The following PRPF6 variants were observed in gnomAD, a reference collection of about 807,000 sequenced individuals.
PRPF6 encodes pre-mRNA-processing factor 6.
Under a neutral mutation model 118.3 loss-of-function variants are expected in PRPF6, and 42 were observed. That is an observed-to-expected ratio of 0.35 (90% CI 0.28 to 0.46). The LOEUF (loss-of-function observed/expected upper bound fraction) is 0.46, where lower values mean the gene tolerates loss of function less well. Among genes scored for constraint, PRPF6 ranks in the 20% least tolerant of loss-of-function variants. The pLI is 1.00. For synonymous variants in PRPF6, 481 were observed against 485.1 expected (o/e 0.99, Z 0.11); for missense variants, 662 against 1,255.7 (o/e 0.53, Z 7.15).
chr20:64,024,999 C>G (rs947306874), intron 14 of PRPF6, among the ~76,000 whole-genome samples: 4 of 152,140 alleles, frequency 2.6e-5, no homozygotes, highest in African/African-American at 9.7e-5. Context: ...TGTATTCAGA[C>G]CGCCTCACTG....
intron 11 of PRPF6, among the ~76,000 whole-genome samples, chr20:64,015,511 A>G (rs2059232935): frequency 6.6e-6 from 1 of 152,142 alleles, no homozygotes; most frequent in Non-Finnish European, 1.5e-5. Flanking sequence ...GTGGTCCCCC[A>G]TGTTGGCATG....
intron 3 of PRPF6, among the ~76,000 whole-genome samples, chr20:63,985,525 GCTTAAGAACT>G (rs1255484831): frequency 4.6e-5 from 7 of 152,182 alleles, no homozygotes; most frequent in African/African-American, 1.7e-4. Context: ...GCAGTGGAGA[GCTTAAGAACT>G]CTTAAGTTTT....
intron 4 of PRPF6, 84 bp from the exon 5 acceptor site, chr20:63,994,832 T>A (rs761856570): frequency 6.4e-7 from 1 of 1,559,862 alleles, no homozygotes; most frequent in Non-Finnish European, 8.8e-7. Context: ...ATCTGGAGGC[T>A]AGGGGTGAGA....
At position 63,981,180 on chromosome 20, in the gene PRPF6, C is replaced by G. The variant is rs978890256; in HGVS notation, c.-66C>G. ...TGCATCGGACGTCGAAGCCTAGAGT[C>G]TCTGCGTCTTTCCCTCTTCCGCTGC... On this transcript the variant is annotated 5_prime_UTR_variant, in exon 1 of 21. Transcript: ENST00000266079. The G allele has an allele frequency of 5.3e-6, 8 of 1,505,896 alleles. No individual in the cohort carries two copies. Among genetic ancestry groups the G allele is most frequent in the African/African-American group, 1.4e-5 (1 of 72,408 alleles). The allele number at this position is 1,505,896 out of a possible 1,614,324, so 93.3% of individuals were successfully genotyped here. A position where few individuals can be genotyped will look rare whatever the true frequency, so the allele number is the denominator to read the frequency against.
rs2059272424 is a variant in PRPF6 at position 64,022,813 on chromosome 20, G to A, written c.1704G>A (p.Gln568=). ...GAGCCATCTACGCCTACGCCCTGCA[G>A]GTGTTCCCCAGCAAGAAGAGTGTGT... ...CARAIYAYAL[Q]VFPSKKSVWL... The change falls in exon 13 of 21, where the codon CAG becomes CAA. Residue 568 remains glutamine, a synonymous_variant. Coordinates refer to ENST00000266079, the MANE Select transcript of PRPF6 (RefSeq NM_012469.4). 6.2e-7 allele frequency: 1 copy of A among 1,614,150 alleles called. No individual in the cohort carries two copies. Among genetic ancestry groups the A allele is most frequent in the Non-Finnish European group, 8.5e-7 (1 of 1,180,024 alleles).
At chr20:64,023,352 C>G (rs556283505) in intron 13 of PRPF6, among the ~76,000 whole-genome samples, 2 of 152,366 alleles carry the variant, frequency 1.3e-5, no homozygotes, top group Non-Finnish European at 2.9e-5. Flanking sequence ...TTGAAAACAT[C>G]TTTCAGGTCC....
At chr20:63,986,336 A>G (rs1330757009) in intron 3 of PRPF6, among the ~76,000 whole-genome samples, 1 of 130,170 alleles carries the variant, frequency 7.7e-6, no homozygotes, top group Non-Finnish European at 1.6e-5. Flanking sequence ...CAAGAGCAAG[A>G]CTCCATCTCA....
At chr20:63,988,312 T>G (rs2059103708) in intron 3 of PRPF6, among the ~76,000 whole-genome samples, 1 of 146,026 alleles carries the variant, frequency 6.8e-6, no homozygotes, top group Admixed American at 6.9e-5. Flanking sequence ...GGGGCAAGAC[T>G]CTGTCTCAAA....
Position 64,005,055 on chromosome 20 carries a change from A to G in PRPF6, c.1186+3816A>G, listed in dbSNP as rs73916678. ...CTTCATGGCTGTGTCTAGCATTCAG[A>G]ATACTCTTCTGTTCTAGGCCAACTT... On this transcript the variant is annotated intron_variant, in intron 9 of 20. Coordinates refer to ENST00000266079, the MANE Select transcript of PRPF6 (RefSeq NM_012469.4). 7.0e-3 allele frequency among the ~76,000 whole-genome samples: 1,071 copies of G among 152,192 alleles called. 10 individuals are homozygous for G. The highest frequency in any genetic ancestry group is 0.024 in the African/African-American group (994 of 41,510).
chr20:63,982,963 G>T, intron 1 of PRPF6, 84 bp from the exon 2 acceptor site: 1 of 1,488,726 alleles, frequency 6.7e-7, no homozygotes, highest in Non-Finnish European at 9.2e-7. Flanking sequence ...AGAAAAAGAG[G>T]TGTTAGTAAG....
At chr20:63,993,986 G>A (rs185214485) in intron 4 of PRPF6, among the ~76,000 whole-genome samples, 4 of 152,126 alleles carry the variant, frequency 2.6e-5, no homozygotes, top group Admixed American at 2.6e-4. Flanking sequence ...CTGAACTCTA[G>A]TGATCTGCCC....
intron 3 of PRPF6, 90 bp from the exon 4 acceptor site, chr20:63,993,317 T>A: frequency 1.2e-6 from 1 of 820,572 alleles, no homozygotes. Context: ...TATGGAATTG[T>A]TCTTTTTGGT....
Position 64,020,033 on chromosome 20 carries a change from C to T in PRPF6, c.1648-2724C>T, listed in dbSNP as rs80178319. On this transcript the variant is annotated intron_variant, in intron 12 of 20. Transcript: ENST00000266079. ...TGCCAGTCCAGATCTTTGCCATTGT[C>T]ATGTTCATAGTTGCAAAACTTTGTT... Among the ~76,000 whole-genome samples, 334 of 152,312 alleles carry T rather than the reference C, an allele frequency of 2.2e-3. 1 individual carries two copies. The highest frequency in any genetic ancestry group is 3.7e-3 in the Admixed American group (57 of 15,292).
chr20:63,999,354 G>A (rs1006504837), intron 7 of PRPF6, among the ~76,000 whole-genome samples: 1 of 152,204 alleles, frequency 6.6e-6, no homozygotes, highest in Non-Finnish European at 1.5e-5. Context: ...CCCTGCCTGT[G>A]CTGGGCAGGA....
In PRPF6 at chr20:64,027,869, T is replaced by C. The variant is rs1468062112; in HGVS notation, c.2339+133T>C. 5.3e-6 allele frequency: 7 copies of C among 1,330,084 alleles called. No homozygotes were observed. In the East Asian group the frequency reaches 1.2e-4, roughly 22 times the overall value. The allele number at this position is 1,330,084 out of a possible 1,614,324, so 82.4% of individuals were successfully genotyped here. A position where few individuals can be genotyped will look rare whatever the true frequency, so the allele number is the denominator to read the frequency against. ...CAGGGGCTTGGGGGGCGGTAGGTGC[T>C]GGCCATGAAAAATCACGGTCCCTGC... is the stretch of plus-strand genomic sequence containing the variant. On this transcript the variant is annotated intron_variant, in intron 17 of 20. Transcript: ENST00000266079. This position sits in a 1 kb window ranked among gnomAD's most constrained non-coding sequence, Gnocchi z 6.5.
rs142625187 is a variant in PRPF6 at position 64,018,993 on chromosome 20, G to A, written c.1647+2148G>A. Among the ~76,000 whole-genome samples, 262 of 152,170 alleles carry A rather than the reference G, an allele frequency of 1.7e-3. 3 individuals are homozygous for A. The East Asian group carries it at 0.026, about 15-fold the overall frequency. ...GTGTGGCGTGACCCAGAGCTTGTGT[G>A]CCGGCTGGGCCATCCTCCTGCCCCA... is the stretch of plus-strand genomic sequence containing the variant. On this transcript the variant is annotated intron_variant, in intron 12 of 20. Coordinates refer to ENST00000266079, the MANE Select transcript of PRPF6 (RefSeq NM_012469.4).
At chr20:64,005,583 CT>C (rs949041858) in intron 9 of PRPF6, among the ~76,000 whole-genome samples, 1 of 151,862 alleles carries the variant, frequency 6.6e-6, no homozygotes, top group African/African-American at 2.4e-5. Flanking sequence ...TAACCCAAAT[CT>C]TTTTTTTGTT....
chr20:64,024,076 C>T (rs2059277245), intron 13 of PRPF6, among the ~76,000 whole-genome samples: 1 of 152,198 alleles, frequency 6.6e-6, no homozygotes, highest in African/African-American at 2.4e-5. Flanking sequence ...GAGCATCAGA[C>T]CTGATGCCCA....
intron 12 of PRPF6, among the ~76,000 whole-genome samples, chr20:64,017,665 G>A (rs1170656713): frequency 6.6e-6 from 1 of 152,266 alleles, no homozygotes; most frequent in Non-Finnish European, 1.5e-5. Context: ...TCACAGGCGT[G>A]AGGCGCCACG....
Sources: gnomAD v4.1 joint callset for allele counts (sites outside exome capture counted in the v4.1 genomes callset) on GRCh38, gnomAD v4.1.1 for gene constraint, Gnocchi (gnomAD v3.1) non-coding constraint, MANE v1.5 for transcripts, NCBI Gene and HGNC (gene_info 2026-07-23, HGNC 2026-07-21) for gene names.